The following TULP4 variants were observed in gnomAD, a reference collection of about 807,000 sequenced individuals.
TULP4 encodes the protein tubby-related protein 4.
A neutral mutation model predicts 129.0 loss-of-function variants in TULP4; 16 were observed. The ratio of observed to expected loss-of-function variants is 0.12; its 90% confidence interval spans 0.08 to 0.19. The LOEUF is 0.19. Ranked by LOEUF, TULP4 falls within the 10% of genes least tolerant of loss-of-function variation. TULP4 has a pLI of 1.00. For missense variants in TULP4, 1,842 were observed against 2,059.1 expected, an observed-to-expected ratio of 0.89 and a Z score of 2.04; for synonymous variants, 998 against 854.0, an observed-to-expected ratio of 1.17 and a Z score of -2.94.
chr6:158,338,914 T>C (rs902286567), intron 1 of TULP4, among the ~76,000 whole-genome samples: 17 of 152,200 alleles, frequency 1.1e-4, no homozygotes, highest in African/African-American at 4.1e-4. Context: ...CCTGTGAGTC[T>C]CTGATGACAG....
At chr6:158,302,211 A>G (rs1408959968) in intron 1 of TULP4, among the ~76,000 whole-genome samples, 1 of 152,270 alleles carries the variant, frequency 6.6e-6, no homozygotes, top group Non-Finnish European at 1.5e-5. Flanking sequence ...AGGGCTATTC[A>G]GCACTCCCTG....
At chr6:158,235,336 C>T (rs766118220) in intron 1 of TULP4, among the ~76,000 whole-genome samples, 4 of 152,178 alleles carry the variant, frequency 2.6e-5, no homozygotes, top group African/African-American at 4.8e-5. Flanking sequence ...TTTCCCCTCC[C>T]TGCAGCCCCT....
At chr6:158,385,094 C>T (rs1421744136) in intron 1 of TULP4, among the ~76,000 whole-genome samples, 1 of 152,116 alleles carries the variant, frequency 6.6e-6, no homozygotes, top group East Asian at 1.9e-4. Context: ...TGTGTTGATG[C>T]CGTGAATGTA....
chr6:158,392,054 G>T (rs773093677), intron 1 of TULP4, among the ~76,000 whole-genome samples: 30 of 152,160 alleles, frequency 2.0e-4, no homozygotes, highest in Non-Finnish European at 2.9e-4. Flanking sequence ...ACATACCCTA[G>T]ACTGGGCAGT....
At chr6:158,445,389 T>A (rs969065120) in intron 3 of TULP4, among the ~76,000 whole-genome samples, 1 of 152,130 alleles carries the variant, frequency 6.6e-6, no homozygotes, top group Admixed American at 6.5e-5. Flanking sequence ...GATTTGAGAA[T>A]TGGTTTATAA....
chr6:158,242,608 T>G (rs1368349751), intron 1 of TULP4: 3 of 709,978 alleles, frequency 4.2e-6, no homozygotes, highest in Non-Finnish European at 7.9e-6. Flanking sequence ...GCTAACAGTT[T>G]GGTGCAAGTA....
intron 5 of TULP4, among the ~76,000 whole-genome samples, chr6:158,454,187 A>G (rs1342395886): frequency 6.6e-6 from 1 of 152,196 alleles, no homozygotes; most frequent in Non-Finnish European, 1.5e-5. Context: ...AGTCCTTTTT[A>G]TCACACATAG....
chr6:158,482,870 G>A (rs1779978833), intron 8 of TULP4, among the ~76,000 whole-genome samples: 1 of 152,196 alleles, frequency 6.6e-6, no homozygotes, highest in Non-Finnish European at 1.5e-5. Context: ...CCAAGGACTG[G>A]GCTTGCTTGA....
At chr6:158,372,163 G>GTTTTTTT (rs1491452956) in intron 1 of TULP4, among the ~76,000 whole-genome samples, 1 of 10,468 alleles carries the variant, frequency 9.6e-5, no homozygotes, top group African/African-American at 4.6e-4. Flanking sequence ...CATTCTATCT[G>GTTTTTTT]CTTTTTTTTT....
At chr6:158,246,190 T>C (rs1778028071) in intron 1 of TULP4, among the ~76,000 whole-genome samples, 1 of 152,092 alleles carries the variant, frequency 6.6e-6, no homozygotes, top group Admixed American at 6.5e-5. Context: ...AGATGCTCAC[T>C]ACCTATTTAG....
rs1780531437 is a variant in TULP4, at chr6:158,503,778, T to A, written c.4115T>A (p.Ile1372Asn). The change falls in exon 13 of 14, where the codon ATC becomes AAC. Residue 1372 changes from isoleucine (I) to asparagine (N), a missense_variant. By Grantham distance (149) the Ile-to-Asn change is moderately radical. Transcript: ENST00000367097. The surrounding 1 kb of genome is among the most constrained non-coding windows in gnomAD (Gnocchi z 4.3). ...ARTLSDFNSL[I>N]SSPHLGREKK... Reference sequence around the variant, plus strand: ...ACTTTGAGTGACTTTAATTCCCTAATCTCCAGCCCACACCTGGGGAGAGAG... The same window carrying A: ...ACTTTGAGTGACTTTAATTCCCTAAACTCCAGCCCACACCTGGGGAGAGAG... 1 of 1,613,720 alleles carries A rather than the reference T, an allele frequency of 6.2e-7. No homozygotes were observed. The highest frequency in any genetic ancestry group is 8.5e-7 in the Non-Finnish European group (1 of 1,180,000).
At chr6:158,314,512 G>A (rs368616990) in intron 1 of TULP4, among the ~76,000 whole-genome samples, 1 of 152,206 alleles carries the variant, frequency 6.6e-6, no homozygotes, top group Non-Finnish European at 1.5e-5. Context: ...TCCCTGCACT[G>A]TCTCTCTTAG....
intron 1 of TULP4, among the ~76,000 whole-genome samples, chr6:158,316,911 G>T (rs575527965): frequency 3.1e-4 from 47 of 152,372 alleles, no homozygotes; most frequent in Admixed American, 9.1e-4. Context: ...CCTCTCCACA[G>T]CATGCAGTTT....
intron 1 of TULP4, among the ~76,000 whole-genome samples, chr6:158,379,915 C>T (rs1011159556): frequency 6.6e-6 from 1 of 152,094 alleles, no homozygotes; most frequent in South Asian, 2.1e-4. Flanking sequence ...GATTAAAAAC[C>T]GGGGCATCAG....
At position 158,493,736 on chromosome 6, in the gene TULP4, C is replaced by A. The variant is rs768716655; in HGVS notation, c.1776+19C>A. The A allele has an allele frequency of 2.0e-6, 3 of 1,530,384 alleles. No homozygotes were observed. The highest frequency in any genetic ancestry group is 4.1e-5 in the Admixed American group (2 of 48,702). The allele number at this position is 1,530,384 out of a possible 1,614,324, so 94.8% of individuals were successfully genotyped here. Reference sequence around the variant, plus strand: ...CACTCAGGTAGGAGCCCCCAGTTACCCTGCCTTGCTCCCCTCCTCCTGGGG... The same window carrying A: ...CACTCAGGTAGGAGCCCCCAGTTACACTGCCTTGCTCCCCTCCTCCTGGGG... On this transcript the variant is annotated intron_variant, in intron 10 of 13. Coordinates refer to ENST00000367097, the MANE Select transcript of TULP4 (RefSeq NM_020245.5). This position sits in a 1 kb window ranked among gnomAD's most constrained non-coding sequence, Gnocchi z 4.4.
rs1377455153 is a variant in TULP4, at chr6:158,493,445, C to G, written c.1632-128C>G. The G allele has an allele frequency of 2.1e-6, 2 of 949,858 alleles. No homozygotes were observed. The highest frequency in any genetic ancestry group is 2.9e-6 in the Non-Finnish European group (2 of 693,266). 58.8% of individuals were successfully genotyped at this position (949,858 alleles called of 1,614,324 possible). ...AGGGGAGAGCTTTGTTAAATTCGGGCACTGGCTGCAGGGTGAGAACCCAAC... is the reference window on the plus strand; with the variant it reads ...AGGGGAGAGCTTTGTTAAATTCGGGGACTGGCTGCAGGGTGAGAACCCAAC... On this transcript the variant is annotated intron_variant, in intron 9 of 13. Transcript: ENST00000367097. This position sits in a 1 kb window ranked among gnomAD's most constrained non-coding sequence, Gnocchi z 4.4.
upstream of TULP4, among the ~76,000 whole-genome samples, chr6:158,311,807 C>T (rs867127140): frequency 4.3e-4 from 66 of 152,244 alleles, no homozygotes; most frequent in African/African-American, 1.6e-3. Context: ...ATGTGCCCAG[C>T]TGCTGACAAA....
intron 1 of TULP4, among the ~76,000 whole-genome samples, chr6:158,398,262 C>T (rs1447263419): frequency 2.0e-5 from 3 of 152,156 alleles, no homozygotes; most frequent in Non-Finnish European, 4.4e-5. Flanking sequence ...CTTTTGGAAC[C>T]CACAGTCATT....
intron 1 of TULP4, among the ~76,000 whole-genome samples, chr6:158,286,891 AT>A (rs1213480525): frequency 6.6e-6 from 1 of 152,160 alleles, no homozygotes; most frequent in Non-Finnish European, 1.5e-5. Flanking sequence ...AGGACTTGTA[AT>A]TTCCCACTTG....
Sources: allele counts gnomAD v4.1 joint callset (sites outside exome capture counted in the v4.1 genomes callset), GRCh38; gene constraint gnomAD v4.1.1; non-coding constraint Gnocchi (gnomAD v3.1); transcripts MANE v1.5; gene names NCBI Gene and HGNC (gene_info 2026-07-23, HGNC 2026-07-21).